Variants in LIFR observed in about 807,000 individuals in gnomAD.
LIFR encodes leukemia inhibitory factor receptor.
A neutral mutation model predicts 122.2 loss-of-function variants in LIFR; 84 were observed. That is an observed-to-expected ratio of 0.69 (90% CI 0.58 to 0.82). LIFR has a LOEUF of 0.82. LIFR is among the 40% of genes least tolerant of loss of function. LIFR has a pLI of 0.00. For synonymous variants in LIFR, 422 were observed against 434.7 expected, an observed-to-expected ratio of 0.97 and a Z score of 0.36; for missense variants, 1,294 against 1,311.6, an observed-to-expected ratio of 0.99 and a Z score of 0.21.
At chr5:38,595,671 C>A (rs539144212), upstream of LIFR, among the ~76,000 whole-genome samples, 1 of 151,676 alleles carries the variant, frequency 6.6e-6, no homozygotes, top group South Asian at 2.1e-4. Flanking sequence ...TGAAAGGAAT[C>A]CATGGGGCCA....
At chr5:38,503,951 A>G (rs765115053) in intron 10 of LIFR, 25 bp downstream of exon 10, 1 of 1,475,644 alleles carries the variant, frequency 6.8e-7, no homozygotes, top group Admixed American at 1.7e-5. Context: ...AATAATCACA[A>G]AGGAAGTCTT....
At chr5:38,555,439 T>G (rs1748468514) in intron 1 of LIFR, among the ~76,000 whole-genome samples, 2 of 152,178 alleles carry the variant, frequency 1.3e-5, no homozygotes, top group South Asian at 4.1e-4. Flanking sequence ...TATATCACAT[T>G]AATCTTACTT....
chr5:38,539,153 G>A (rs1747450565), intron 1 of LIFR, among the ~76,000 whole-genome samples: 1 of 152,064 alleles, frequency 6.6e-6, no homozygotes, highest in African/African-American at 2.4e-5. Flanking sequence ...AGGAGAGACG[G>A]GGTTTCACCG....
chr5:38,507,892 G>T (rs1745580049), intron 7 of LIFR, among the ~76,000 whole-genome samples: 1 of 151,862 alleles, frequency 6.6e-6, no homozygotes, highest in Admixed American at 6.6e-5. Flanking sequence ...AACATTAAGA[G>T]GATTAATGAG....
intron 12 of LIFR, among the ~76,000 whole-genome samples, chr5:38,498,266 T>C (rs1381389348): frequency 6.6e-6 from 1 of 152,172 alleles, no homozygotes; most frequent in Non-Finnish European, 1.5e-5. Context: ...GCTTCTCTAA[T>C]TCTATTTTCT....
At position 38,476,514 on chromosome 5, in the gene LIFR, G is replaced by T; in HGVS notation, c.*5081C>A. ...CTTAAGGGCAACACATAGGATCTAT[G>T]TTGTTAGCTTTTTTTTTTTTAAAGT... is the stretch of plus-strand genomic sequence containing the variant. On this transcript the variant is annotated 3_prime_UTR_variant, in exon 20 of 20. Coordinates refer to ENST00000453190, the MANE Select transcript of LIFR (RefSeq NM_001127671.2). The T allele has an allele frequency of 5.0e-6, 1 of 199,344 alleles. No homozygotes were observed. Among genetic ancestry groups the T allele is most frequent in the Non-Finnish European group, 1.0e-5 (1 of 98,542 alleles). 12.3% of individuals were successfully genotyped at this position (199,344 alleles called of 1,614,324 possible). A position where few individuals can be genotyped will look rare whatever the true frequency, so the allele number is the denominator to read the frequency against.
At chr5:38,553,622 C>A (rs1367380647) in intron 1 of LIFR, among the ~76,000 whole-genome samples, 10 of 41,614 alleles carry the variant, frequency 2.4e-4, no homozygotes, top group South Asian at 1.1e-3. Flanking sequence ...ACCATTTAAA[C>A]TATATATATA....
intron 1 of LIFR, among the ~76,000 whole-genome samples, chr5:38,567,251 A>G (rs1275823621): frequency 6.6e-6 from 1 of 152,140 alleles, no homozygotes; most frequent in Non-Finnish European, 1.5e-5. Flanking sequence ...GCAGACCCTC[A>G]GAGAAGTGAC....
At chr5:38,518,543 A>G in intron 5 of LIFR, among the ~76,000 whole-genome samples, 1 of 152,212 alleles carries the variant, frequency 6.6e-6, no homozygotes, top group African/African-American at 2.4e-5. Context: ...GTCATAGTGC[A>G]ACGTATTACT....
intron 2 of LIFR, among the ~76,000 whole-genome samples, chr5:38,604,700 C>CAA (rs34735574): frequency 7.1e-6 from 1 of 140,990 alleles, no homozygotes; most frequent in Non-Finnish European, 1.6e-5. Context: ...GACTCTGTCT[C>CAA]AAAAAAAAAA....
intron 1 of LIFR, chr5:38,608,073 A>G (rs554075087): frequency 6.6e-6 from 1 of 152,288 alleles, no homozygotes; most frequent in Non-Finnish European, 1.5e-5. Context: ...TGATATAAGC[A>G]TCATTGCTCA....
chr5:38,528,651 G>T, intron 3 of LIFR, 75 bp downstream of exon 3: 1 of 881,268 alleles, frequency 1.1e-6, no homozygotes, highest in Non-Finnish European at 1.9e-6. Flanking sequence ...AGTTTCACAA[G>T]CAATAAGGTA....
intron 9 of LIFR, 47 bp downstream of exon 9, chr5:38,505,858 A>G: frequency 7.6e-7 from 1 of 1,308,384 alleles, no homozygotes; most frequent in Non-Finnish European, 1.1e-6. Flanking sequence ...AAAGCATTTC[A>G]CCACTTTTAA....
rs748952768 is a variant in LIFR, at chr5:38,496,369, C to T, written c.1885+13G>A. ...TTCCCGTTCTTATATACTAAATCAT[C>T]TCAAGCACTCACCATTTGGAATTTC... On this transcript the variant is annotated intron_variant, in intron 13 of 19. Transcript: ENST00000453190. The T allele has an allele frequency of 6.3e-6, 10 of 1,591,254 alleles. No homozygotes were observed. The South Asian group carries it at 1.1e-4, about 18-fold the overall frequency.
intron 1 of LIFR, among the ~76,000 whole-genome samples, chr5:38,572,618 T>C (rs1046340749): frequency 6.6e-6 from 1 of 152,160 alleles, no homozygotes; most frequent in African/African-American, 2.4e-5. Flanking sequence ...GCTCCTTCTG[T>C]GCGGGCCTGA....
At chr5:38,569,053 C>T (rs1749120969) in intron 1 of LIFR, among the ~76,000 whole-genome samples, 1 of 152,186 alleles carries the variant, frequency 6.6e-6, no homozygotes, top group Non-Finnish European at 1.5e-5. Flanking sequence ...CCTCTTTTGG[C>T]AGCATTCCCA....
At chr5:38,517,440 T>C (rs1039445802) in intron 5 of LIFR, among the ~76,000 whole-genome samples, 3 of 152,086 alleles carry the variant, frequency 2.0e-5, no homozygotes, top group African/African-American at 7.2e-5. Context: ...AGCAATATAA[T>C]TTAAATAAAT....
chr5:38,501,062 C>T (rs904015702), intron 11 of LIFR, among the ~76,000 whole-genome samples: 13 of 152,122 alleles, frequency 8.5e-5, no homozygotes, highest in Non-Finnish European at 1.6e-4. Flanking sequence ...CAGTCCCCAC[C>T]CACATTCCTG....
intron 1 of LIFR, among the ~76,000 whole-genome samples, chr5:38,570,648 G>A (rs754035809): frequency 6.6e-6 from 1 of 152,056 alleles, no homozygotes; most frequent in Admixed American, 6.6e-5. Flanking sequence ...TTCACCTATC[G>A]CAGGAGACAA....
Sources: allele counts gnomAD v4.1 joint callset (sites outside exome capture counted in the v4.1 genomes callset), GRCh38; gene constraint gnomAD v4.1.1; transcripts MANE v1.5; gene names NCBI Gene and HGNC (gene_info 2026-07-23, HGNC 2026-07-21).